The following JMJD1C variants were observed in gnomAD, a reference collection of about 807,000 sequenced individuals.
JMJD1C encodes jumonji domain containing 1C.
Under a neutral mutation model 245.3 loss-of-function variants are expected in JMJD1C, and 31 were observed. That is an observed-to-expected ratio of 0.13 (90% CI 0.09 to 0.17). JMJD1C has a LOEUF of 0.17. JMJD1C is among the 10% of genes least tolerant of loss of function. The pLI is 1.00. For synonymous variants in JMJD1C, 1,057 were observed against 1,017.4 expected (o/e 1.04, Z -0.74); for missense variants, 2,691 against 3,000.2 (o/e 0.90, Z 2.41).
intron 2 of JMJD1C, among the ~76,000 whole-genome samples, chr10:63,379,746 G>T (rs1026039290): frequency 6.6e-6 from 1 of 152,144 alleles, no homozygotes; most frequent in Non-Finnish European, 1.5e-5. Context: ...TAATTTGATA[G>T]AATAAACTTA....
At chr10:63,281,903 C>T (rs1857448823) in intron 2 of JMJD1C, among the ~76,000 whole-genome samples, 1 of 152,132 alleles carries the variant, frequency 6.6e-6, no homozygotes, top group Non-Finnish European at 1.5e-5. Context: ...ACAGGAGAAA[C>T]TGAGGTTAAC....
intron 2 of JMJD1C, among the ~76,000 whole-genome samples, chr10:63,369,799 C>G (rs1237749211): frequency 1.3e-5 from 2 of 152,158 alleles, no homozygotes; most frequent in Admixed American, 6.5e-5. Context: ...GAGATGATCT[C>G]CAGGGCTCTA....
At chr10:63,499,783 T>C (rs1048751367) in intron 1 of JMJD1C, among the ~76,000 whole-genome samples, 1 of 152,202 alleles carries the variant, frequency 6.6e-6, no homozygotes, top group African/African-American at 2.4e-5. Flanking sequence ...TTTATGCAAA[T>C]ATTTAAAAAG....
At chr10:63,432,010 GAAAAGA>G (rs1203118070) in intron 1 of JMJD1C, among the ~76,000 whole-genome samples, 4 of 152,088 alleles carry the variant, frequency 2.6e-5, no homozygotes, top group Non-Finnish European at 5.9e-5. Context: ...GACTCCGTCT[GAAAAGA>G]AAAAGAAAAA....
intron 3 of JMJD1C, among the ~76,000 whole-genome samples, chr10:63,247,740 A>G (rs1438023944): frequency 6.7e-6 from 1 of 150,300 alleles, no homozygotes; most frequent in Non-Finnish European, 1.5e-5. Flanking sequence ...AAAAAAAAAG[A>G]AACAAAAACC....
chr10:63,195,861 G>T (rs1308257898), intron 13 of JMJD1C, among the ~76,000 whole-genome samples: 2 of 152,110 alleles, frequency 1.3e-5, no homozygotes, highest in Non-Finnish European at 2.9e-5. Flanking sequence ...CCCAGGAGAT[G>T]GAGGTTGCAG....
chr10:63,345,488 CAA>C (rs34551660), intron 2 of JMJD1C, among the ~76,000 whole-genome samples: 62 of 100,430 alleles, frequency 6.2e-4, no homozygotes, highest in African/African-American at 1.4e-3. Flanking sequence ...GACTTTGTCT[CAA>C]AAAAAAAAAA....
chr10:63,240,281 CA>C (rs149657958), intron 3 of JMJD1C, among the ~76,000 whole-genome samples: 15 of 150,486 alleles, frequency 1.0e-4, no homozygotes, highest in African/African-American at 2.4e-4. Context: ...AGGAGCACTA[CA>C]AAAAAAAATC....
At chr10:63,348,325 T>C (rs950652517) in intron 2 of JMJD1C, among the ~76,000 whole-genome samples, 2 of 152,112 alleles carry the variant, frequency 1.3e-5, no homozygotes, top group African/African-American at 2.4e-5. Flanking sequence ...GATAAAGTCA[T>C]CTCTCCAATC....
chr10:63,304,131 T>C (rs1478023478), intron 2 of JMJD1C, among the ~76,000 whole-genome samples: 1 of 152,232 alleles, frequency 6.6e-6, no homozygotes, highest in Non-Finnish European at 1.5e-5. Context: ...AGAGTATTCT[T>C]ATAGTTAGTA....
At chr10:63,234,519 A>AAAAAAAAAAAAAAC (rs1564654977) in intron 3 of JMJD1C, among the ~76,000 whole-genome samples, 2 of 148,014 alleles carry the variant, frequency 1.4e-5, no homozygotes, top group Non-Finnish European at 3.0e-5. Flanking sequence ...AAAAAAAAAA[A>AAAAAAAAAAAAAAC]AACACCAAAA....
intron 1 of JMJD1C, among the ~76,000 whole-genome samples, chr10:63,461,071 CATCACCTTCTTTTAA>C (rs1952762301): frequency 6.6e-6 from 1 of 152,146 alleles, no homozygotes; most frequent in Admixed American, 6.5e-5. Flanking sequence ...ACTGGGCGAT[CATCACCTTCTTTTAA>C]AACTAGCTAG....
At position 63,207,238 on chromosome 10, in the gene JMJD1C, A is replaced by G. The variant is rs1384208926; in HGVS notation, c.4431T>C (p.Thr1477=). The change falls in exon 10 of 26, where the codon ACT becomes ACC. Residue 1477 remains threonine (T), a synonymous_variant. Coordinates refer to ENST00000399262, the MANE Select transcript of JMJD1C (RefSeq NM_032776.3). ...VQPSSGFSGT[T]DFIHLKKHKA... The stretch of plus-strand genomic sequence containing the variant: ...TGTGCTTTTTTAAATGGATAAAATC[A>G]GTTGTGCCTGAGAACCCAGAACTGG... 6.2e-7 allele frequency: 1 copy of G among 1,614,028 alleles called. No homozygotes were observed. Among genetic ancestry groups the G allele is most frequent in the Non-Finnish European group, 8.5e-7 (1 of 1,180,052 alleles).
Position 63,277,888 on chromosome 10 carries a change from C to A in JMJD1C, c.334-13124G>T, listed in dbSNP as rs1037500081. On this transcript the variant is annotated intron_variant, in intron 2 of 25. Coordinates refer to ENST00000399262, the MANE Select transcript of JMJD1C (RefSeq NM_032776.3). ...AGTAGCTGGGATTACAGGTGTGCGC[C>A]ACCACGCCTGTCTAACTTTTCTATT... Among the ~76,000 whole-genome samples the A allele has an allele frequency of 6.6e-5, 10 of 151,588 alleles. No individual in the cohort carries two copies. The East Asian group carries it at 1.9e-3, about 30-fold the overall frequency.
At chr10:63,514,121 C>CA (rs1202005571) in intron 1 of JMJD1C, among the ~76,000 whole-genome samples, 2 of 151,890 alleles carry the variant, frequency 1.3e-5, no homozygotes, top group African/African-American at 2.4e-5. Flanking sequence ...ACTAAAAAGT[C>CA]AAAAAACAAC....
At chr10:63,505,904 AC>A (rs1468578959) in intron 1 of JMJD1C, among the ~76,000 whole-genome samples, 5 of 146,848 alleles carry the variant, frequency 3.4e-5, no homozygotes, top group Non-Finnish European at 7.5e-5. Context: ...TCGAAGCCTG[AC>A]ATCCATGAGA....
At chr10:63,304,932 G>C (rs751977162) in intron 2 of JMJD1C, among the ~76,000 whole-genome samples, 2 of 152,110 alleles carry the variant, frequency 1.3e-5, no homozygotes, top group Admixed American at 6.6e-5. Context: ...CCAGGAATTT[G>C]AGAACACTTA....
intron 3 of JMJD1C, among the ~76,000 whole-genome samples, chr10:63,240,940 G>C (rs1296099072): frequency 6.6e-6 from 1 of 152,136 alleles, no homozygotes; most frequent in Non-Finnish European, 1.5e-5. Context: ...TATACCATTG[G>C]TGGTAACCTT....
At chr10:63,292,143 G>GTTTTTTTT (rs1396774570) in intron 2 of JMJD1C, among the ~76,000 whole-genome samples, 2 of 13,516 alleles carry the variant, frequency 1.5e-4, no homozygotes, top group African/African-American at 4.3e-4. Context: ...TGTAGAGACA[G>GTTTTTTTT]ATTTTTTTTT....
Sources: gnomAD v4.1 joint callset for allele counts (sites outside exome capture counted in the v4.1 genomes callset) on GRCh38, gnomAD v4.1.1 for gene constraint, MANE v1.5 for transcripts, NCBI Gene and HGNC (gene_info 2026-07-23, HGNC 2026-07-21) for gene names.